Variants in NCK2 observed in about 807,000 individuals in gnomAD.
NCK2 encodes the protein cytoplasmic protein NCK2.
NCK2 carries 16 observed loss-of-function variants against 33.9 expected under a neutral mutation model. That is an observed-to-expected ratio of 0.47 (90% CI 0.32 to 0.72). The LOEUF is 0.72. Among genes scored for constraint, NCK2 ranks in the 30% least tolerant of loss-of-function variants. NCK2 has a pLI of 0.03. For synonymous variants in NCK2, 273 were observed against 239.9 expected (o/e 1.14, Z -1.27); for missense variants, 418 against 537.3 (o/e 0.78, Z 2.19).
chr2:105,780,319 G>GATAT (rs576590444), intron 1 of NCK2, among the ~76,000 whole-genome samples: 6 of 142,042 alleles, frequency 4.2e-5, no homozygotes, highest in Non-Finnish European at 7.7e-5. Flanking sequence ...ATGGGAGAGA[G>GATAT]ATATATACAC....
chr2:105,805,779 C>G (rs1166572575), intron 1 of NCK2, among the ~76,000 whole-genome samples: 2 of 152,100 alleles, frequency 1.3e-5, no homozygotes, highest in African/African-American at 2.4e-5. Flanking sequence ...CAGGATTTCC[C>G]TTTTTAGGAT....
intron 1 of NCK2, among the ~76,000 whole-genome samples, chr2:105,753,232 G>C (rs1313405250): frequency 1.3e-5 from 2 of 152,242 alleles, no homozygotes; most frequent in African/African-American, 4.8e-5. Context: ...CGCCTTATCA[G>C]CCAAGTGGTT....
intron 1 of NCK2, among the ~76,000 whole-genome samples, chr2:105,790,262 G>A (rs568030820): frequency 2.8e-4 from 42 of 152,350 alleles, no homozygotes; most frequent in African/African-American, 8.7e-4. Context: ...TGACAGACTC[G>A]TTTCTTGGCT....
At chr2:105,842,815 C>T (rs758724129) in intron 2 of NCK2, among the ~76,000 whole-genome samples, 3 of 140,924 alleles carry the variant, frequency 2.1e-5, no homozygotes, top group African/African-American at 5.4e-5. Flanking sequence ...CAGGAGAGGG[C>T]GGCTGTGGTT....
chr2:105,852,697 CTG>C (rs1273127533), intron 2 of NCK2, among the ~76,000 whole-genome samples: 3 of 152,172 alleles, frequency 2.0e-5, no homozygotes, highest in Non-Finnish European at 4.4e-5. Flanking sequence ...GGAATATTCT[CTG>C]AATATTCCAT....
chr2:105,862,798 T>G (rs1004994881), intron 3 of NCK2, among the ~76,000 whole-genome samples: 1 of 152,232 alleles, frequency 6.6e-6, no homozygotes, highest in African/African-American at 2.4e-5. Context: ...TAATGTTTTT[T>G]GCGCCGTTTT....
intron 1 of NCK2, among the ~76,000 whole-genome samples, chr2:105,798,577 T>C (rs555608547): frequency 6.6e-6 from 1 of 152,290 alleles, no homozygotes; most frequent in South Asian, 2.1e-4. Flanking sequence ...AATAGTGAAG[T>C]TCCCCAAAGA....
chr2:105,827,558 C>G (rs977070071), intron 2 of NCK2, among the ~76,000 whole-genome samples: 1 of 152,202 alleles, frequency 6.6e-6, no homozygotes, highest in East Asian at 1.9e-4. Flanking sequence ...GATACACATT[C>G]TTTTTAGGCA....
intron 3 of NCK2, among the ~76,000 whole-genome samples, chr2:105,871,565 G>A (rs940930667): frequency 3.3e-5 from 5 of 151,686 alleles, no homozygotes; most frequent in East Asian, 1.9e-4. Context: ...GCGCGATCTC[G>A]GCTCACTGCA....
At chr2:105,762,300 G>A (rs908311072) in intron 1 of NCK2, among the ~76,000 whole-genome samples, 7 of 152,180 alleles carry the variant, frequency 4.6e-5, no homozygotes, top group Non-Finnish European at 7.3e-5. Flanking sequence ...AAACCAGGGG[G>A]GGTCTAGGTC....
At chr2:105,793,924 G>A (rs978611095) in intron 1 of NCK2, among the ~76,000 whole-genome samples, 3 of 152,104 alleles carry the variant, frequency 2.0e-5, no homozygotes, top group African/African-American at 7.2e-5. Context: ...TTGTGTCTGA[G>A]CCTTTTCAGT....
In NCK2 at chr2:105,881,626, G is replaced by A; in HGVS notation, c.525G>A (p.Glu175=). Residue 175 remains glutamate, a synonymous_variant, in exon 4 of 5, where the codon GAG becomes GAA. Coordinates refer to ENST00000233154, the MANE Select transcript of NCK2 (RefSeq NM_003581.5). The part of the protein sequence containing the change: ...VLEEVDEAAA[E]SPSFLSLRKG... ...AGGAGGTGGACGAGGCGGCTGCGGA[G>A]TCCCCAAGCTTCCTGAGCCTGCGCA... 1.9e-6 allele frequency: 3 copies of A among 1,613,702 alleles called. No homozygotes were observed. Among genetic ancestry groups the A allele is most frequent in the Non-Finnish European group, 2.5e-6 (3 of 1,179,904 alleles).
intron 2 of NCK2, 27 bp from the exon 3 acceptor site, chr2:105,855,021 G>A (rs1242000536): frequency 1.9e-6 from 3 of 1,556,392 alleles, no homozygotes; most frequent in South Asian, 1.1e-5. Flanking sequence ...GTTCTCTAAT[G>A]AGCATCTCCA....
chr2:105,838,910 A>C (rs1676534063), intron 2 of NCK2, among the ~76,000 whole-genome samples: 1 of 152,226 alleles, frequency 6.6e-6, no homozygotes, highest in Admixed American at 6.5e-5. Context: ...ACGATAAATA[A>C]ATTAAAATGT....
intron 1 of NCK2, among the ~76,000 whole-genome samples, chr2:105,789,999 G>A (rs746436): frequency 1.3e-5 from 2 of 152,084 alleles, no homozygotes; most frequent in Non-Finnish European, 2.9e-5. Flanking sequence ...CAACACTAGC[G>A]TGTTCATGTA....
At position 105,855,228 on chromosome 2, in the gene NCK2, C is replaced by T. The variant is rs571195450; in HGVS notation, c.165C>T (p.Tyr55=). ...ANRTGYVPSN[Y]VERKNSLKKG... ...GGACGGGCTATGTACCGTCCAACTA[C>T]GTGGAGCGGAAGAACAGCCTGAAGA... is the stretch of plus-strand genomic sequence containing the variant. Residue 55 remains tyrosine, a synonymous_variant, in exon 3 of 5, where the codon TAC becomes TAT. Coordinates refer to ENST00000233154, the MANE Select transcript of NCK2 (RefSeq NM_003581.5). The T allele has an allele frequency of 1.8e-5, 29 of 1,613,760 alleles. No individual in the cohort carries two copies. The highest frequency in any genetic ancestry group is 1.6e-4 in the Middle Eastern group (1 of 6,062).
intron 4 of NCK2, among the ~76,000 whole-genome samples, chr2:105,883,975 G>A (rs920167096): frequency 3.3e-5 from 5 of 152,184 alleles, no homozygotes; most frequent in African/African-American, 9.7e-5. Context: ...GAGGTTCCAC[G>A]TGGCCTGATG....
At chr2:105,760,129 G>A (rs1689723366) in intron 1 of NCK2, among the ~76,000 whole-genome samples, 1 of 152,094 alleles carries the variant, frequency 6.6e-6, no homozygotes, top group Non-Finnish European at 1.5e-5. Context: ...CCTCCTGTAG[G>A]GGTTGTATTT....
At chr2:105,888,561 A>G (rs899193589) in intron 4 of NCK2, among the ~76,000 whole-genome samples, 1 of 152,248 alleles carries the variant, frequency 6.6e-6, no homozygotes, top group African/African-American at 2.4e-5. Flanking sequence ...CTGTCCATCT[A>G]TGATGGCTTA....
Sources: gnomAD v4.1 joint callset for allele counts (sites outside exome capture counted in the v4.1 genomes callset) on GRCh38, gnomAD v4.1.1 for gene constraint, MANE v1.5 for transcripts, NCBI Gene and HGNC (gene_info 2026-07-23, HGNC 2026-07-21) for gene names.